TPM3: variants seen among roughly 807,000 people sequenced by gnomAD.
TPM3 encodes tropomyosin 3.
TPM3 carries 16 observed loss-of-function variants against 43.1 expected under a neutral mutation model. The ratio of observed to expected loss-of-function variants is 0.37; its 90% CI spans 0.25 to 0.56. The LOEUF (loss-of-function observed/expected upper bound fraction) is 0.56. Ranked by LOEUF, TPM3 falls within the 20% of genes least tolerant of loss-of-function variation. TPM3 has a pLI of 0.77. For missense variants in TPM3, 176 were observed against 337.2 expected (o/e 0.52, Z 3.74); for synonymous variants, 101 against 116.9 (o/e 0.86, Z 0.88).
downstream of TPM3, among the ~76,000 whole-genome samples, chr1:154,158,218 G>A (rs1447638446): frequency 2.0e-5 from 3 of 152,126 alleles, no homozygotes; most frequent in Non-Finnish European, 2.9e-5. Flanking sequence ...ATAAAAGGGC[G>A]CTCACAGTTA....
At position 154,191,219 on chromosome 1, in the gene TPM3, C is replaced by T. The variant is rs767668245; in HGVS notation, c.210G>A (p.Glu70=). 40 of 1,614,098 alleles carry T rather than the reference C, an allele frequency of 2.5e-5. No homozygotes were observed. Among genetic ancestry groups the T allele is most frequent in the Non-Finnish European group, 3.4e-5 (40 of 1,180,046 alleles). Residue 70 remains glutamate, a synonymous_variant, in exon 2 of 10, where the codon GAG becomes GAA. Transcript: ENST00000651641. ...KYSEALKDAQ[E]KLELAEKKAA... ...CCTTCTTCTCTGCCAGTTCCAGCTT[C>T]TCCTGGGCATCCTTCAAAGCTTCAG... is the stretch of plus-strand genomic sequence containing the variant.
Position 154,166,530 on chromosome 1 carries a change from C to A in TPM3, c.*1407G>T. The A allele has an allele frequency of 2.8e-6, 3 of 1,058,012 alleles. No individual in the cohort carries two copies. Among genetic ancestry groups the A allele is most frequent in the East Asian group, 5.2e-5 (1 of 19,156 alleles). The allele number at this position is 1,058,012 out of a possible 1,614,324, so 65.5% of individuals were successfully genotyped here. A position where few individuals can be genotyped will look rare whatever the true frequency, so the allele number is the denominator to read the frequency against. On this transcript the variant is annotated 3_prime_UTR_variant, in exon 10 of 10. Coordinates refer to ENST00000651641, the MANE Select transcript of TPM3 (RefSeq NM_152263.4). ...CCCAAGAAGCTACAGGCAGTACAGG[C>A]AAGTGCCATTGCACCCAGCTAAAAG...
intron 6 of TPM3, 43 bp from the exon 7 acceptor site, chr1:154,170,754 C>A: frequency 7.4e-7 from 1 of 1,343,044 alleles, no homozygotes; most frequent in South Asian, 1.2e-5. Context: ...AGAAATTAGT[C>A]ACACAGGCAA....
Position 154,166,184 on chromosome 1 carries a change from G to A in TPM3, c.*1753C>T, listed in dbSNP as rs1416132757. 1 of 227,570 alleles carries A rather than the reference G, an allele frequency of 4.4e-6. No individual in the cohort carries two copies. Among genetic ancestry groups the A allele is most frequent in the African/African-American group, 2.2e-5 (1 of 45,050 alleles). The allele number at this position is 227,570 out of a possible 1,614,324, so 14.1% of individuals were successfully genotyped here. A position where few individuals can be genotyped will look rare whatever the true frequency, so the allele number is the denominator to read the frequency against. On this transcript the variant is annotated 3_prime_UTR_variant, in exon 10 of 10. Transcript: ENST00000651641. ...GAATTTGATATGACTTAAAGTTTTAGATTAAGGAAAACTTCCCTACCTGAT... is the reference window on the plus strand; with the variant it reads ...GAATTTGATATGACTTAAAGTTTTAAATTAAGGAAAACTTCCCTACCTGAT...
chr1:154,176,338 T>C (rs932072344), intron 2 of TPM3, 90 bp from the exon 3 acceptor site: 3 of 1,594,576 alleles, frequency 1.9e-6, no homozygotes, highest in East Asian at 2.2e-5. Flanking sequence ...TTGACTACCA[T>C]GAAAAAGCCA....
chr1:154,189,652 G>A (rs563515064), intron 2 of TPM3, among the ~76,000 whole-genome samples: 17 of 151,960 alleles, frequency 1.1e-4, no homozygotes, highest in African/African-American at 3.9e-4. Context: ...AAATTAGCCA[G>A]CCAGGCATGG....
At chr1:154,185,048 A>G (rs571287013) in intron 2 of TPM3, among the ~76,000 whole-genome samples, 35 of 152,214 alleles carry the variant, frequency 2.3e-4, no homozygotes, top group Middle Eastern at 3.4e-3. Flanking sequence ...TGTACTTCCA[A>G]GTACCCCCAA....
chr1:154,187,507 T>C (rs1468583622), intron 2 of TPM3: 14 of 984,656 alleles, frequency 1.4e-5, no homozygotes, highest in Non-Finnish European at 1.6e-5. Flanking sequence ...TAAATGGGTT[T>C]TGGTGGATTC....
At chr1:154,174,340 A>G (rs1159773821) in intron 3 of TPM3, among the ~76,000 whole-genome samples, 1 of 137,374 alleles carries the variant, frequency 7.3e-6, no homozygotes, top group African/African-American at 2.6e-5. Flanking sequence ...GTCTCAAAAA[A>G]ATAAATAAAT....
Position 154,166,261 on chromosome 1 carries a change from T to C in TPM3, c.*1676A>G. 1 of 229,548 alleles carries C rather than the reference T, an allele frequency of 4.4e-6. No individual in the cohort carries two copies. Among genetic ancestry groups the C allele is most frequent in the Non-Finnish European group, 8.6e-6 (1 of 115,822 alleles). The allele number at this position is 229,548 out of a possible 1,614,324, so 14.2% of individuals were successfully genotyped here. ...GTGTTTTTAACAGATGGAATCTTGC[T>C]GTGTTGCCCAGGCTGGAGTACTACA... On this transcript the variant is annotated 3_prime_UTR_variant, in exon 10 of 10. Transcript: ENST00000651641.
At chr1:154,170,357 C>CCTCTATATTT (rs1456981757) in intron 8 of TPM3, 43 bp downstream of exon 8, 1 of 1,595,764 alleles carries the variant, frequency 6.3e-7, no homozygotes. Flanking sequence ...GGGCAGTCTT[C>CCTCTATATTT]CTCTATATTT....
chr1:154,191,473 C>T (rs771035662), intron 1 of TPM3, among the ~76,000 whole-genome samples, 162 bp from the exon 2 acceptor site: 2 of 152,174 alleles, frequency 1.3e-5, no homozygotes, highest in African/African-American at 2.4e-5. Flanking sequence ...GGAGTTATGC[C>T]GTAGCTTGGC....
At chr1:154,177,152 G>T (rs1162049805) in intron 2 of TPM3, among the ~76,000 whole-genome samples, 2 of 152,092 alleles carry the variant, frequency 1.3e-5, no homozygotes, top group African/African-American at 2.4e-5. Flanking sequence ...ATATTGTTGG[G>T]ATGCCTACTC....
chr1:154,174,414 A>ACACACAC (rs1479898648), intron 3 of TPM3, among the ~76,000 whole-genome samples: 46 of 135,604 alleles, frequency 3.4e-4, no homozygotes, highest in African/African-American at 4.1e-4. Context: ...ATATACACAC[A>ACACACAC]AAAATCCCAT....
In TPM3 at chr1:154,163,636, T is replaced by C. The variant is rs1571370808; in HGVS notation, c.*4301A>G. On this transcript the variant is annotated 3_prime_UTR_variant, in exon 10 of 10. Coordinates refer to ENST00000651641, the MANE Select transcript of TPM3 (RefSeq NM_152263.4). ...TCCTCTTACATAACGTTTTCCTCAT[T>C]GTTTAATTTTTTTTTGAGACAGAGT... 6.6e-6 allele frequency among the ~76,000 whole-genome samples: 1 copy of C among 152,144 alleles called. No individual in the cohort carries two copies. The highest frequency in any genetic ancestry group is 1.9e-4 in the East Asian group (1 of 5,166).
intron 6 of TPM3, chr1:154,171,052 T>A (rs1661520770): frequency 1.9e-6 from 1 of 528,706 alleles, no homozygotes; most frequent in African/African-American, 1.9e-5. Context: ...CACACCCACA[T>A]GATGGCAAAG....
intron 1 of TPM3, 159 bp downstream of exon 1, chr1:154,191,743 A>G (rs576567036): frequency 3.2e-6 from 5 of 1,579,598 alleles, no homozygotes; most frequent in Non-Finnish European, 4.3e-6. Context: ...TCTGAGACAG[A>G]TATGTTAGAT....
At position 154,167,957 on chromosome 1, in the gene TPM3, G is replaced by A; in HGVS notation, c.855-17C>T. On this transcript the variant is annotated splice_polypyrimidine_tract_variant and intron_variant, in intron 9 of 9. Coordinates refer to ENST00000651641, the MANE Select transcript of TPM3 (RefSeq NM_152263.4). ...GATAATTATCTGTATGAAAAAGTAA[G>A]GATACTCTAGGTGAGAAGGACTAGC... The A allele has an allele frequency of 6.2e-7, 1 of 1,613,812 alleles. No homozygotes were observed. Among genetic ancestry groups the A allele is most frequent in the Non-Finnish European group, 8.5e-7 (1 of 1,179,916 alleles).
rs1661754187 is a variant in TPM3 at position 154,172,801 on chromosome 1, C to T, written c.566+107G>A. 4.3e-6 allele frequency: 6 copies of T among 1,391,724 alleles called. No individual in the cohort carries two copies. The Admixed American group carries it at 1.0e-4, about 23-fold the overall frequency. 86.2% of individuals were successfully genotyped at this position (1,391,724 alleles called of 1,614,324 possible). On this transcript the variant is annotated intron_variant, in intron 5 of 9. Transcript: ENST00000651641. ...CTATAGATGACTCCCATTCCCTAGG[C>T]CCTGTTTAACAAGGTTGAAGGAATG...
Sources: allele counts gnomAD v4.1 joint callset (sites outside exome capture counted in the v4.1 genomes callset), GRCh38; gene constraint gnomAD v4.1.1; transcripts MANE v1.5; gene names NCBI Gene and HGNC (gene_info 2026-07-23, HGNC 2026-07-21).